Variants in DYNC2I2 observed in about 807,000 individuals in gnomAD.
DYNC2I2 encodes the protein dynein 2 intermediate chain 2, also known as cytoplasmic dynein 2 intermediate chain 2.
A neutral mutation model predicts 52.0 loss-of-function variants in DYNC2I2; 39 were observed. The ratio of observed to expected loss-of-function variants is 0.75; its 90% CI spans 0.58 to 0.98. The LOEUF (loss-of-function observed/expected upper bound fraction) is 0.98. Ranked by LOEUF, DYNC2I2 falls within the 50% of genes least tolerant of loss-of-function variation. The pLI, the probability that DYNC2I2 is intolerant of heterozygous loss-of-function variation, is 0.00. For synonymous variants in DYNC2I2, 359 were observed against 321.1 expected, an observed-to-expected ratio of 1.12 and a Z score of -1.26; for missense variants, 743 against 728.4, an observed-to-expected ratio of 1.02 and a Z score of -0.23.
At chr9:128,663,022 C>A in the DYNC2I2 span, 2 of 152,130 alleles carry the variant, frequency 1.3e-5, no homozygotes, top group African/African-American at 2.4e-5. Context: ...TCTCAAACTC[C>A]TGACCTCAGG....
At chr9:128,635,347 G>A (rs925584175) in intron 5 of DYNC2I2, 88 bp from the exon 6 acceptor site, 779 of 1,169,550 alleles carry the variant, frequency 6.7e-4, no homozygotes, top group Non-Finnish European at 4.5e-4. Context: ...TCTCTTCCAG[G>A]AAAAAAAAAA....
intron 2 of DYNC2I2, among the ~76,000 whole-genome samples, chr9:128,637,316 G>A (rs546800183): frequency 2.1e-3 from 313 of 152,392 alleles, no homozygotes; most frequent in African/African-American, 7.3e-3. Context: ...GGCTGCAGCA[G>A]GAAGGTGGGG....
At chr9:128,657,041 A>G (rs2132191876), upstream of DYNC2I2, among the ~76,000 whole-genome samples, 1 of 152,314 alleles carries the variant, frequency 6.6e-6, no homozygotes, top group Admixed American at 6.5e-5. Flanking sequence ...CGCAGAAGCG[A>G]AGAGAGGGCG....
At chr9:128,639,086 T>A (rs937720281) in intron 2 of DYNC2I2, among the ~76,000 whole-genome samples, 1 of 151,322 alleles carries the variant, frequency 6.6e-6, no homozygotes, top group African/African-American at 2.4e-5. Context: ...CTGGGCAACA[T>A]AGGAAGACCC....
chr9:128,652,102 G>C (rs1379542169), intron 1 of DYNC2I2: 1 of 151,456 alleles, frequency 6.6e-6, no homozygotes, highest in African/African-American at 2.5e-5. Context: ...AGAAATCACA[G>C]AAGAACCAGA....
chr9:128,663,947 C>T, the DYNC2I2 span, among the ~76,000 whole-genome samples: 1 of 148,166 alleles, frequency 6.7e-6, no homozygotes, highest in Non-Finnish European at 1.5e-5. Flanking sequence ...GCTACTGCAC[C>T]CAGGCTTTTT....
the DYNC2I2 span, among the ~76,000 whole-genome samples, chr9:128,671,463 G>A: frequency 6.7e-6 from 1 of 148,828 alleles, no homozygotes; most frequent in Non-Finnish European, 1.5e-5. Flanking sequence ...ACCAGGCCTG[G>A]CTAATTCTTT....
the DYNC2I2 span, among the ~76,000 whole-genome samples, chr9:128,683,156 A>C: frequency 1.3e-5 from 2 of 151,946 alleles, no homozygotes; most frequent in Non-Finnish European, 2.9e-5. Context: ...CACCACGCCC[A>C]GCTAAAATAA....
At chr9:128,636,809 G>A (rs1239935067) in intron 3 of DYNC2I2, 109 bp downstream of exon 3, 2 of 846,592 alleles carry the variant, frequency 2.4e-6, no homozygotes, top group African/African-American at 1.7e-5. Flanking sequence ...GAGACTCCCA[G>A]GATGGCCAAG....
chr9:128,666,790 A>G, the DYNC2I2 span, among the ~76,000 whole-genome samples: 1 of 151,428 alleles, frequency 6.6e-6, no homozygotes, highest in Admixed American at 6.6e-5. Context: ...AAGGCCTGGC[A>G]TGGTGACTCA....
rs548224589 is a variant in DYNC2I2, at chr9:128,640,949, G to C, written c.187-10C>G. ...CCGTCTGGCAACTTTTCTGGGGGGA[G>C]GGTGAAAACAAGTGTCACCACCCAG... On this transcript the variant is annotated splice_polypyrimidine_tract_variant and intron_variant, in intron 1 of 8. Transcript: ENST00000372715. 6.4e-7 allele frequency: 1 copy of C among 1,573,738 alleles called. No individual in the cohort carries two copies. Among genetic ancestry groups the C allele is most frequent in the East Asian group, 2.2e-5 (1 of 44,514 alleles).
chr9:128,683,925 G>A, the DYNC2I2 span: 173 of 1,555,110 alleles, frequency 1.1e-4, 1 homozygote, highest in South Asian at 1.4e-3. Context: ...CTCCACTCCC[G>A]CCTCAAAAGA....
chr9:128,648,022 A>G (rs1860649127), intron 1 of DYNC2I2, among the ~76,000 whole-genome samples: 1 of 152,092 alleles, frequency 6.6e-6, no homozygotes, highest in South Asian at 2.1e-4. Context: ...GCCTTCTGGA[A>G]AGTCCACCTG....
At chr9:128,672,162 G>C in the DYNC2I2 span, among the ~76,000 whole-genome samples, 1 of 150,174 alleles carries the variant, frequency 6.7e-6, no homozygotes, top group Admixed American at 6.7e-5. Flanking sequence ...TTTAGTAGAC[G>C]GGGTTTCACC....
intron 1 of DYNC2I2, among the ~76,000 whole-genome samples, chr9:128,653,968 G>A (rs1269499068): frequency 3.3e-5 from 5 of 152,046 alleles, no homozygotes; most frequent in Admixed American, 1.3e-4. Context: ...CCGAGATTGC[G>A]CCACTGCACT....
chr9:128,667,812 A>G, the DYNC2I2 span, among the ~76,000 whole-genome samples: 4 of 149,692 alleles, frequency 2.7e-5, no homozygotes, highest in Non-Finnish European at 5.9e-5. Flanking sequence ...GGTTCACTGC[A>G]ACCTCTGCCT....
the DYNC2I2 span, among the ~76,000 whole-genome samples, chr9:128,680,579 G>A: frequency 2.6e-5 from 4 of 151,024 alleles, no homozygotes; most frequent in Admixed American, 6.6e-5. Flanking sequence ...GGGTTTCACC[G>A]TGTTAGCCTG....
In DYNC2I2 at chr9:128,655,372, G is replaced by T. The variant is rs1263686948; in HGVS notation, c.186+1169C>A. Among the ~76,000 whole-genome samples the T allele has an allele frequency of 5.4e-5, 3 of 55,398 alleles. No individual in the cohort carries two copies. In the Admixed American group the frequency reaches 6.3e-4, roughly 12 times the overall value. 36.3% of individuals were successfully genotyped at this position (55,398 alleles called of 152,430 possible). A position where few individuals can be genotyped will look rare whatever the true frequency, so the allele number is the denominator to read the frequency against. ...AAAAAAAAAAAAAAATTAGCCGGGC[G>T]TGGTGGCGGGCGCCTGTAGTCCCAG... On this transcript the variant is annotated intron_variant, in intron 1 of 8. Coordinates refer to ENST00000372715, the MANE Select transcript of DYNC2I2 (RefSeq NM_052844.4).
chr9:128,641,381 C>T (rs57837632), intron 1 of DYNC2I2, among the ~76,000 whole-genome samples: 1,746 of 152,248 alleles, frequency 0.011, 79 homozygotes, highest in East Asian at 0.1. Flanking sequence ...CCTCAACGGG[C>T]AGCCCTCCCA....
Sources: gnomAD v4.1 joint callset for allele counts (sites outside exome capture counted in the v4.1 genomes callset) on GRCh38, gnomAD v4.1.1 for gene constraint, MANE v1.5 for transcripts, NCBI Gene and HGNC (gene_info 2026-07-23, HGNC 2026-07-21) for gene names.